The following TEAD1 variants were observed in gnomAD, a reference collection of about 807,000 sequenced individuals.
TEAD1 encodes TEA domain transcription factor 1.
In TEAD1, 9 loss-of-function variants were observed where a neutral mutation model predicts 54.9. The observed-to-expected ratio is 0.16, with a 90% CI of 0.10 to 0.29. The LOEUF (loss-of-function observed/expected upper bound fraction) is 0.29. TEAD1 is among the 10% of genes least tolerant of loss of function. TEAD1 has a pLI of 1.00. For synonymous variants in TEAD1, 200 were observed against 187.8 expected (o/e 1.07, Z -0.53); for missense variants, 387 against 535.9 (o/e 0.72, Z 2.74).
intron 5 of TEAD1, among the ~76,000 whole-genome samples, chr11:12,868,101 C>G (rs554108896): frequency 4.6e-5 from 7 of 152,302 alleles, no homozygotes; most frequent in Admixed American, 3.3e-4. Flanking sequence ...AAGTGGCTTA[C>G]CCGCAATGGA....
chr11:12,783,364 A>G (rs936888094), intron 3 of TEAD1, among the ~76,000 whole-genome samples: 9 of 152,062 alleles, frequency 5.9e-5, no homozygotes, highest in African/African-American at 2.2e-4. Context: ...TAGTTCTGGT[A>G]AAAGCTTTGC....
intron 3 of TEAD1, among the ~76,000 whole-genome samples, chr11:12,825,761 A>G (rs548690345): frequency 2.0e-5 from 3 of 152,358 alleles, no homozygotes; most frequent in Admixed American, 6.5e-5. Context: ...AAAACTTACT[A>G]CAAAGCTATA....
At chr11:12,681,828 C>A (rs1943229011) in intron 2 of TEAD1, among the ~76,000 whole-genome samples, 1 of 152,222 alleles carries the variant, frequency 6.6e-6, no homozygotes, top group African/African-American at 2.4e-5. Context: ...CACATTTTGC[C>A]TTTTGGGTTT....
chr11:12,871,553 T>C (rs1947745948), intron 5 of TEAD1, among the ~76,000 whole-genome samples: 2 of 152,296 alleles, frequency 1.3e-5, no homozygotes, highest in South Asian at 2.1e-4. Flanking sequence ...TTTGCCTGTA[T>C]GTTCAGTTGC....
chr11:12,819,937 C>T (rs1303888093), intron 3 of TEAD1, among the ~76,000 whole-genome samples: 2 of 150,598 alleles, frequency 1.3e-5, no homozygotes, highest in Non-Finnish European at 1.5e-5. Flanking sequence ...AGGGCATGGA[C>T]AGTTTCTCAC....
chr11:12,691,990 TA>T (rs1483250776), intron 2 of TEAD1, among the ~76,000 whole-genome samples: 1 of 152,232 alleles, frequency 6.6e-6, no homozygotes, highest in East Asian at 1.9e-4. Flanking sequence ...TAAGCTTAAA[TA>T]AGTTAAAGAT....
At chr11:12,842,285 C>T (rs776959902) in intron 3 of TEAD1, among the ~76,000 whole-genome samples, 14 of 152,166 alleles carry the variant, frequency 9.2e-5, no homozygotes, top group African/African-American at 2.9e-4. Context: ...ACCACCGTTA[C>T]GAGAATACCT....
At chr11:12,812,597 G>T (rs1010636637) in intron 3 of TEAD1, among the ~76,000 whole-genome samples, 1 of 152,076 alleles carries the variant, frequency 6.6e-6, no homozygotes, top group Non-Finnish European at 1.5e-5. Flanking sequence ...AATATTACTG[G>T]TATTCATCTT....
rs555704768 is a variant in TEAD1 at position 12,923,624 on chromosome 11, A to G, written c.874-1288A>G. Reference sequence around the variant, plus strand: ...TCTTTGGTCTGTTTTGTGCTGCTACAACAGAATGCCACAGCCTGGGTAATT... The same window carrying G: ...TCTTTGGTCTGTTTTGTGCTGCTACGACAGAATGCCACAGCCTGGGTAATT... On this transcript the variant is annotated intron_variant, in intron 10 of 12. Coordinates refer to ENST00000527636, the MANE Select transcript of TEAD1 (RefSeq NM_021961.6). 3.9e-5 allele frequency among the ~76,000 whole-genome samples: 6 copies of G among 152,306 alleles called. 1 individual carries two copies. In the South Asian group the frequency reaches 1.2e-3, roughly 32 times the overall value.
chr11:12,675,149 A>C (rs1382260300), intron 1 of TEAD1, among the ~76,000 whole-genome samples: 1 of 149,714 alleles, frequency 6.7e-6, no homozygotes, highest in African/African-American at 2.4e-5. Flanking sequence ...CGCCGCCTGC[A>C]CGCGCACACA....
chr11:12,835,606 CACCGTACCCGGTGGCT>C (rs1031615654), intron 3 of TEAD1, among the ~76,000 whole-genome samples: 1 of 151,944 alleles, frequency 6.6e-6, no homozygotes, highest in African/African-American at 2.4e-5. Flanking sequence ...AGGCGTGAGC[CACCGTACCCGGTGGCT>C]CTGAGGTTTT....
chr11:12,803,585 G>C (rs937702327), intron 3 of TEAD1, among the ~76,000 whole-genome samples: 6 of 152,178 alleles, frequency 3.9e-5, no homozygotes, highest in African/African-American at 1.4e-4. Flanking sequence ...TGTGCCTGCT[G>C]TGTGGCTCAT....
At chr11:12,731,935 A>G (rs976883332) in intron 2 of TEAD1, among the ~76,000 whole-genome samples, 59 of 151,974 alleles carry the variant, frequency 3.9e-4, no homozygotes, top group African/African-American at 1.3e-3. Flanking sequence ...TCCTTTCCTT[A>G]CCCTGAATGC....
At chr11:12,736,161 A>G (rs1057380518) in intron 2 of TEAD1, among the ~76,000 whole-genome samples, 3 of 152,208 alleles carry the variant, frequency 2.0e-5, no homozygotes, top group African/African-American at 7.2e-5. Context: ...CCTCTCTGTG[A>G]ATCTGCCCAT....
intron 2 of TEAD1, among the ~76,000 whole-genome samples, chr11:12,731,816 C>T (rs1011997903): frequency 2.0e-5 from 3 of 152,188 alleles, no homozygotes; most frequent in African/African-American, 7.2e-5. Context: ...TCTCTAGCCT[C>T]ACTGTCCCCA....
chr11:12,693,500 T>C (rs1026351273), intron 2 of TEAD1, among the ~76,000 whole-genome samples: 1 of 152,244 alleles, frequency 6.6e-6, no homozygotes. Flanking sequence ...AATCTATTTT[T>C]ACATCTAGGG....
At chr11:12,740,447 C>G (rs144507509) in intron 2 of TEAD1, among the ~76,000 whole-genome samples, 15 of 152,290 alleles carry the variant, frequency 9.8e-5, no homozygotes, top group Non-Finnish European at 2.2e-4. Context: ...AAAATTGTCA[C>G]TAGACATAAA....
intron 2 of TEAD1, among the ~76,000 whole-genome samples, chr11:12,676,061 GA>G (rs1943080466): frequency 6.6e-6 from 1 of 152,202 alleles, no homozygotes; most frequent in Non-Finnish European, 1.5e-5. Flanking sequence ...CAGGAGCAGG[GA>G]ATGTAAAAAG....
chr11:12,923,556 G>C (rs866603177), intron 10 of TEAD1, among the ~76,000 whole-genome samples: 1 of 152,206 alleles, frequency 6.6e-6, no homozygotes, highest in African/African-American at 2.4e-5. Flanking sequence ...GGAGCAGGGG[G>C]TTGGTAGATA....
Sources: allele counts gnomAD v4.1 joint callset (sites outside exome capture counted in the v4.1 genomes callset), GRCh38; gene constraint gnomAD v4.1.1; transcripts MANE v1.5; gene names NCBI Gene and HGNC (gene_info 2026-07-23, HGNC 2026-07-21).